EEA1: variants seen among roughly 807,000 people sequenced by gnomAD.
The protein encoded by EEA1 is early endosome antigen 1.
In EEA1, 111 loss-of-function variants were observed where a neutral mutation model predicts 209.2. The observed-to-expected ratio is 0.53, with a 90% CI of 0.45 to 0.62. The LOEUF is 0.62. EEA1 is among the 20% of genes least tolerant of loss of function. EEA1 has a pLI of 0.00. For synonymous variants in EEA1, 536 were observed against 540.6 expected (o/e 0.99, Z 0.12); for missense variants, 1,343 against 1,530.8 (o/e 0.88, Z 2.05).
intron 1 of EEA1, among the ~76,000 whole-genome samples, chr12:92,894,038 C>G (rs1467202281): frequency 6.6e-6 from 1 of 152,170 alleles, no homozygotes; most frequent in Non-Finnish European, 1.5e-5. Flanking sequence ...CTTTGTATCT[C>G]TGTGTCACAT....
intron 17 of EEA1, 66 bp downstream of exon 17, chr12:92,811,213 A>G: frequency 9.2e-7 from 1 of 1,085,848 alleles, no homozygotes; most frequent in Non-Finnish European, 1.2e-6. Flanking sequence ...GATTCCATGT[A>G]GGTCATGAGA....
chr12:92,888,671 G>T (rs1468275407), intron 2 of EEA1, among the ~76,000 whole-genome samples: 1 of 151,072 alleles, frequency 6.6e-6, no homozygotes, highest in Non-Finnish European at 1.5e-5. Context: ...AACTACACTG[G>T]TAAATACATG....
intron 1 of EEA1, among the ~76,000 whole-genome samples, chr12:92,916,039 TAATATTAAGTGA>T (rs1254611517): frequency 6.6e-6 from 1 of 152,186 alleles, no homozygotes; most frequent in African/African-American, 2.4e-5. Context: ...ACAATTAACT[TAATATTAAGTGA>T]AATATTAAGT....
chr12:92,852,427 C>T (rs1877672821), intron 7 of EEA1, 131 bp from the exon 8 acceptor site: 6 of 520,972 alleles, frequency 1.2e-5, no homozygotes, highest in Non-Finnish European at 1.8e-5. Flanking sequence ...TAAATATATA[C>T]AGTAAATTTA....
intron 2 of EEA1, among the ~76,000 whole-genome samples, chr12:92,885,488 T>G (rs1250768958): frequency 6.6e-6 from 1 of 152,156 alleles, no homozygotes; most frequent in Admixed American, 6.5e-5. Flanking sequence ...TGGTGGCATA[T>G]GGAAAAAACA....
chr12:92,881,231 C>G (rs1252810776), intron 2 of EEA1, among the ~76,000 whole-genome samples: 1 of 152,016 alleles, frequency 6.6e-6, no homozygotes, highest in Non-Finnish European at 1.5e-5. Flanking sequence ...TGGCAAGACC[C>G]CATCTCTATG....
At chr12:92,898,007 G>A (rs1879964223) in intron 1 of EEA1, among the ~76,000 whole-genome samples, 2 of 151,984 alleles carry the variant, frequency 1.3e-5, no homozygotes, top group African/African-American at 4.8e-5. Flanking sequence ...GTTTTATTGC[G>A]ATACTTGTTT....
At chr12:92,811,529 TAAAA>T (rs1394609719) in intron 16 of EEA1, 95 bp from the exon 17 acceptor site, 2 of 825,230 alleles carry the variant, frequency 2.4e-6, no homozygotes, top group African/African-American at 1.8e-5. Context: ...TAATTTTATT[TAAAA>T]AAATATTTGG....
chr12:92,867,695 C>T (rs1041382539), intron 2 of EEA1, among the ~76,000 whole-genome samples: 1 of 152,082 alleles, frequency 6.6e-6, no homozygotes, highest in African/African-American at 2.4e-5. Context: ...CAAATATTAC[C>T]ATACAATGCT....
intron 1 of EEA1, among the ~76,000 whole-genome samples, chr12:92,895,723 T>C (rs1592764024): frequency 6.6e-6 from 1 of 152,152 alleles, no homozygotes; most frequent in Non-Finnish European, 1.5e-5. Flanking sequence ...CTACCATAGA[T>C]AGTGACTCCT....
At chr12:92,854,318 G>A (rs554802390) in intron 5 of EEA1, among the ~76,000 whole-genome samples, 23 of 152,120 alleles carry the variant, frequency 1.5e-4, no homozygotes, top group African/African-American at 3.9e-4. Flanking sequence ...ACATTCAATC[G>A]TATTAGTATG....
intron 17 of EEA1, 121 bp from the exon 18 acceptor site, chr12:92,809,277 T>A: frequency 1.5e-6 from 1 of 664,240 alleles, no homozygotes; most frequent in Non-Finnish European, 2.2e-6. Flanking sequence ...AAATTTATTA[T>A]AATAAAAAAC....
At chr12:92,821,497 C>T (rs917544219) in intron 13 of EEA1, among the ~76,000 whole-genome samples, 5 of 152,172 alleles carry the variant, frequency 3.3e-5, no homozygotes, top group African/African-American at 1.2e-4. Context: ...ATTCTCCATT[C>T]CTTTACTTCT....
In EEA1 at chr12:92,802,392, T is replaced by C. The variant is rs1277761688; in HGVS notation, c.2670+12A>G. 1 of 1,548,174 alleles carries C rather than the reference T, an allele frequency of 6.5e-7. No homozygotes were observed. ...TCACTTCTACCTAAGAAAGTAAATG[T>C]AAACTACTAACCAAGTCTAATATAG... On this transcript the variant is annotated intron_variant, in intron 19 of 28. Transcript: ENST00000322349.
intron 1 of EEA1, among the ~76,000 whole-genome samples, chr12:92,928,087 C>T (rs961804265): frequency 6.6e-6 from 1 of 151,976 alleles, no homozygotes; most frequent in African/African-American, 2.4e-5. Flanking sequence ...AACTAATAGG[C>T]TCGGCACCTA....
chr12:92,898,731 C>CTTTTTT (rs772593153), intron 1 of EEA1, among the ~76,000 whole-genome samples: 1 of 76,110 alleles, frequency 1.3e-5, no homozygotes, highest in East Asian at 2.8e-4. Context: ...CTTTTTTTCC[C>CTTTTTT]TTTTTTTTTT....
At position 92,778,123 on chromosome 12, in the gene EEA1, A is replaced by G. The variant is rs1565803976; in HGVS notation, c.3711T>C (p.Ala1237=). 6.2e-7 allele frequency: 1 copy of G among 1,613,310 alleles called. No homozygotes were observed. The highest frequency in any genetic ancestry group is 8.5e-7 in the Non-Finnish European group (1 of 1,179,490). ...ATGCTGTAATCTGCATGGTAAGTTT[A>G]GCCTCATTTTCTTCATGCTTCTTCA... is the stretch of plus-strand genomic sequence containing the variant. ...VGMKKHEENE[A]KLTMQITALN... The change falls in exon 26 of 29, where the codon GCT becomes GCC. Residue 1237 remains alanine, a synonymous_variant. Transcript: ENST00000322349.
chr12:92,827,217 C>T (rs1403240877), intron 12 of EEA1, among the ~76,000 whole-genome samples: 2 of 151,982 alleles, frequency 1.3e-5, no homozygotes, highest in African/African-American at 2.4e-5. Flanking sequence ...ATTAGCTGGG[C>T]GTAGTGGCGC....
chr12:92,873,532 T>C (rs1878742783), intron 2 of EEA1, among the ~76,000 whole-genome samples: 1 of 152,206 alleles, frequency 6.6e-6, no homozygotes, highest in African/African-American at 2.4e-5. Context: ...CGAAAGATCA[T>C]TGACATTGAC....
Sources: gnomAD v4.1 joint callset for allele counts (sites outside exome capture counted in the v4.1 genomes callset) on GRCh38, gnomAD v4.1.1 for gene constraint, MANE v1.5 for transcripts, NCBI Gene and HGNC (gene_info 2026-07-23, HGNC 2026-07-21) for gene names.